Variants in HK2 observed in about 807,000 individuals in gnomAD.
The protein encoded by HK2 is hexokinase-2.
A neutral mutation model predicts 92.9 loss-of-function variants in HK2; 42 were observed. The ratio of observed to expected loss-of-function variants is 0.45; its 90% CI spans 0.35 to 0.58. The LOEUF (loss-of-function observed/expected upper bound fraction) is 0.58. Among genes scored for constraint, HK2 ranks in the 20% least tolerant of loss-of-function variants. The pLI is 0.00. For synonymous variants in HK2, 422 were observed against 468.0 expected (o/e 0.90, Z 1.27); for missense variants, 978 against 1,245.1 (o/e 0.79, Z 3.23).
At chr2:74,854,767 C>T (rs369796214) in intron 2 of HK2, among the ~76,000 whole-genome samples, 11 of 152,270 alleles carry the variant, frequency 7.2e-5, no homozygotes, top group East Asian at 1.9e-4. Context: ...TGAGATTGCA[C>T]GCAGTGATGG....
At chr2:74,855,471 C>T (rs554123902) in intron 2 of HK2, among the ~76,000 whole-genome samples, 5 of 152,146 alleles carry the variant, frequency 3.3e-5, no homozygotes, top group Admixed American at 1.3e-4. Flanking sequence ...CTTTTGACCT[C>T]GTACCCGCCC....
At chr2:74,838,473 G>GT (rs1688223549) in intron 1 of HK2, among the ~76,000 whole-genome samples, 1 of 151,876 alleles carries the variant, frequency 6.6e-6, no homozygotes, top group Non-Finnish European at 1.5e-5. Context: ...AGGGAGGAGA[G>GT]TTTCCTGTCC....
chr2:74,856,805 A>G (rs942015807), intron 2 of HK2, among the ~76,000 whole-genome samples: 1 of 152,218 alleles, frequency 6.6e-6, no homozygotes, highest in African/African-American at 2.4e-5. Context: ...AAGTTCAGGC[A>G]TCGGTACTGC....
intron 2 of HK2, among the ~76,000 whole-genome samples, chr2:74,865,435 G>T (rs187013010): frequency 6.6e-6 from 1 of 152,054 alleles, no homozygotes; most frequent in East Asian, 1.9e-4. Flanking sequence ...CTGATTCAGC[G>T]GATCGCGTGT....
intron 8 of HK2, among the ~76,000 whole-genome samples, chr2:74,878,097 C>T (rs1464787409): frequency 6.6e-6 from 1 of 152,186 alleles, no homozygotes; most frequent in Middle Eastern, 3.2e-3. Context: ...AGATTTAGTT[C>T]CCTTGAGAAG....
At chr2:74,840,908 G>C (rs1260653621) in intron 1 of HK2, among the ~76,000 whole-genome samples, 1 of 141,840 alleles carries the variant, frequency 7.1e-6, no homozygotes, top group South Asian at 2.2e-4. Context: ...AAAAAAAGCT[G>C]TGGGGGTTGG....
In HK2 at chr2:74,888,075, C is replaced by CA. The variant is rs1558806782; in HGVS notation, c.2375+18dup. On this transcript the variant is annotated intron_variant, in intron 16 of 17. Coordinates refer to ENST00000290573, the MANE Select transcript of HK2 (RefSeq NM_000189.5). Reference sequence around the variant, plus strand: ...GATTGAGAGGTGAGAGCTTAGGGCTCAGGGTAGCAGGGGGGCCATGTCCTT... The same window carrying CA: ...GATTGAGAGGTGAGAGCTTAGGGCTCAAGGGTAGCAGGGGGGCCATGTCCTT... The CA allele has an allele frequency of 6.2e-7, 1 of 1,613,482 alleles. No individual in the cohort carries two copies.
At chr2:74,868,754 G>GACAAA (rs1266114866) in intron 3 of HK2, among the ~76,000 whole-genome samples, 1 of 152,184 alleles carries the variant, frequency 6.6e-6, no homozygotes, top group Admixed American at 6.5e-5. Context: ...AACTAGATAA[G>GACAAA]ACAAAACAAA....
At chr2:74,887,214 C>T (rs11675401) in intron 15 of HK2, among the ~76,000 whole-genome samples, 6,599 of 152,316 alleles carry the variant, frequency 0.043, 194 homozygotes, top group Middle Eastern at 0.075. Context: ...CTGCAGAATA[C>T]GCTTTGCAAA....
At position 74,885,476 on chromosome 2, in the gene HK2, C is replaced by T; in HGVS notation, c.1840-18C>T. ...GCTCTTCCCTGATGTCCTTTCCATG[C>T]TTGTGTGTGATTTTTAGAGCATCCT... On this transcript the variant is annotated intron_variant, in intron 12 of 17. Transcript: ENST00000290573. 1.3e-6 allele frequency: 2 copies of T among 1,587,640 alleles called. No homozygotes were observed. The highest frequency in any genetic ancestry group is 1.7e-6 in the Non-Finnish European group (2 of 1,155,960).
chr2:74,872,223 C>T (rs910713862), intron 3 of HK2, 77 bp from the exon 4 acceptor site: 13 of 1,486,728 alleles, frequency 8.7e-6, no homozygotes, highest in Non-Finnish European at 1.2e-5. Context: ...TAGTTACGTG[C>T]TGAGCCTGAA....
At chr2:74,889,189 G>A (rs964087437) in intron 16 of HK2, 56 bp from the exon 17 acceptor site, 51 of 1,436,524 alleles carry the variant, frequency 3.6e-5, no homozygotes, top group African/African-American at 3.2e-4. Context: ...TGGTGTGGTA[G>A]GCTACCAGCC....
chr2:74,889,195 C>T (rs765718547), intron 16 of HK2, 50 bp from the exon 17 acceptor site: 1 of 1,480,848 alleles, frequency 6.8e-7, no homozygotes, highest in Non-Finnish European at 9.3e-7. Context: ...GGTAGGCTAC[C>T]AGCCTTCTTG....
intron 4 of HK2, 89 bp downstream of exon 4, chr2:74,872,508 T>C (rs910828418): frequency 1.7e-5 from 24 of 1,398,890 alleles, no homozygotes; most frequent in Non-Finnish European, 2.3e-5. Flanking sequence ...GTGGTGGTGG[T>C]GGTAGCACTG....
At chr2:74,842,996 A>G (rs1558787344) in intron 1 of HK2, among the ~76,000 whole-genome samples, 1 of 152,098 alleles carries the variant, frequency 6.6e-6, no homozygotes, top group Non-Finnish European at 1.5e-5. Context: ...GGGATTTCAT[A>G]TTCTTCTGCT....
At chr2:74,882,383 T>C (rs972923940) in intron 12 of HK2, 144 bp downstream of exon 12, 38 of 1,207,038 alleles carry the variant, frequency 3.1e-5, no homozygotes, top group African/African-American at 1.0e-4. Context: ...GGCTCCTTGA[T>C]GGGAATGAGT....
intron 13 of HK2, among the ~76,000 whole-genome samples, chr2:74,886,029 T>TA (rs111714150): frequency 6.4e-4 from 92 of 143,980 alleles, no homozygotes; most frequent in Admixed American, 1.3e-3. Flanking sequence ...ATATAGAGTT[T>TA]AAAAAAAAAA....
At chr2:74,859,112 GA>G (rs1415358441) in intron 2 of HK2, among the ~76,000 whole-genome samples, 1 of 152,190 alleles carries the variant, frequency 6.6e-6, no homozygotes, top group Non-Finnish European at 1.5e-5. Flanking sequence ...GAAGTTGAAA[GA>G]ATTCTATAGT....
chr2:74,881,774 T>G lies in HK2; in HGVS notation c.1634T>G (p.Val545Gly). The change falls in exon 11 of 18, where the codon GTT (valine) becomes GGT (glycine). Residue 545 changes from valine (V) to glycine (G), a missense_variant. Coordinates refer to ENST00000290573, the MANE Select transcript of HK2 (RefSeq NM_000189.5). ...AATTTCCGGGTCCTGCTGGTCCGTG[T>G]TCGGAATGGGAAGTGGGGTGGAGTG... ...GTNFRVLLVR[V>G]RNGKWGGVEM... 1 of 1,614,172 alleles carries G rather than the reference T, an allele frequency of 6.2e-7. No homozygotes were observed. Among genetic ancestry groups the G allele is most frequent in the Non-Finnish European group, 8.5e-7 (1 of 1,180,034 alleles).
Sources: allele counts gnomAD v4.1 joint callset (sites outside exome capture counted in the v4.1 genomes callset), GRCh38; gene constraint gnomAD v4.1.1; transcripts MANE v1.5; gene names NCBI Gene and HGNC (gene_info 2026-07-23, HGNC 2026-07-21).